Variants in GRM5 observed in about 807,000 individuals in gnomAD.
The protein encoded by GRM5 is glutamate metabotropic receptor 5.
GRM5 carries 19 observed loss-of-function variants against 83.1 expected under a neutral mutation model. That is an observed-to-expected ratio of 0.23 (90% CI 0.16 to 0.34). GRM5 has a LOEUF of 0.34. GRM5 is among the 10% of genes least tolerant of loss of function. The probability of loss-of-function intolerance (pLI) is 1.00; values close to 1 mark genes in which losing one functional copy is unlikely to be tolerated. For synonymous variants in GRM5, 675 were observed against 633.6 expected (o/e 1.07, Z -0.98); for missense variants, 1,160 against 1,588.3 (o/e 0.73, Z 4.58).
At chr11:88,861,735 T>C (rs1428310462) in intron 2 of GRM5, among the ~76,000 whole-genome samples, 1 of 152,058 alleles carries the variant, frequency 6.6e-6, no homozygotes, top group African/African-American at 2.4e-5. Flanking sequence ...AGCCTCAGCC[T>C]CCCAGAGTGA....
intron 3 of GRM5, among the ~76,000 whole-genome samples, chr11:88,807,356 C>T (rs992674059): frequency 6.6e-6 from 1 of 152,078 alleles, no homozygotes; most frequent in African/African-American, 2.4e-5. Flanking sequence ...CAACTCTGTC[C>T]CTAGCCTGTA....
At chr11:88,825,851 T>G (rs1361739319) in intron 3 of GRM5, among the ~76,000 whole-genome samples, 3 of 152,320 alleles carry the variant, frequency 2.0e-5, no homozygotes, top group East Asian at 3.9e-4. Context: ...TTCTTTAATA[T>G]TTCCATTTCT....
chr11:88,826,290 T>C (rs908769798), intron 3 of GRM5, among the ~76,000 whole-genome samples: 2 of 152,108 alleles, frequency 1.3e-5, no homozygotes, highest in Non-Finnish European at 2.9e-5. Context: ...GGTTTCTTCA[T>C]TGTACTTACC....
chr11:88,699,040 A>C (rs1207972148), intron 3 of GRM5, among the ~76,000 whole-genome samples: 1 of 152,148 alleles, frequency 6.6e-6, no homozygotes, highest in Non-Finnish European at 1.5e-5. Context: ...AGATGGAGAA[A>C]ACTGAGACTT....
chr11:88,661,467 T>C (rs1052281973), intron 3 of GRM5, among the ~76,000 whole-genome samples: 3 of 152,130 alleles, frequency 2.0e-5, no homozygotes, highest in Admixed American at 6.6e-5. Context: ...GTATTTTTTT[T>C]TTCAAAATCT....
chr11:88,905,011 T>G (rs1356914437), intron 2 of GRM5, among the ~76,000 whole-genome samples: 3 of 152,216 alleles, frequency 2.0e-5, no homozygotes, highest in Non-Finnish European at 4.4e-5. Context: ...ATGATTATGC[T>G]GCCGAATTGT....
chr11:88,999,070 C>T (rs942538363), intron 2 of GRM5, among the ~76,000 whole-genome samples: 3 of 152,026 alleles, frequency 2.0e-5, no homozygotes, highest in Admixed American at 2.0e-4. Flanking sequence ...TTCCTTACAC[C>T]TTATACAAAA....
chr11:88,518,154 A>C (rs1038709187), intron 9 of GRM5, among the ~76,000 whole-genome samples: 3 of 151,990 alleles, frequency 2.0e-5, no homozygotes, highest in Non-Finnish European at 4.4e-5. Context: ...ATAATATAAA[A>C]AATAGAATAT....
chr11:88,511,729 G>C (rs1941375353), intron 9 of GRM5: 1 of 152,196 alleles, frequency 6.6e-6, no homozygotes, highest in Non-Finnish European at 1.5e-5. Flanking sequence ...TGACTTACGT[G>C]TATTACAATT....
chr11:88,925,885 G>A, intron 2 of GRM5: 1 of 338,306 alleles, frequency 3.0e-6, no homozygotes, highest in Non-Finnish European at 5.9e-6. Flanking sequence ...CGCTAGACTG[G>A]GTGACAGAGC....
At chr11:88,956,968 CA>C (rs1246550774) in intron 2 of GRM5, among the ~76,000 whole-genome samples, 1 of 146,838 alleles carries the variant, frequency 6.8e-6, no homozygotes, top group Non-Finnish European at 1.5e-5. Flanking sequence ...TATGCAAATA[CA>C]TGAAGTATTT....
chr11:88,829,099 C>T (rs542188673), intron 3 of GRM5, among the ~76,000 whole-genome samples: 1 of 151,788 alleles, frequency 6.6e-6, no homozygotes, highest in Non-Finnish European at 1.5e-5. Context: ...AATTAGTATA[C>T]GAAAACTAAA....
At chr11:88,922,506 T>C (rs920082240) in intron 2 of GRM5, among the ~76,000 whole-genome samples, 1 of 152,180 alleles carries the variant, frequency 6.6e-6, no homozygotes, top group African/African-American at 2.4e-5. Context: ...TTAATGGTGT[T>C]TGGAAAACTG....
chr11:88,635,653 T>A lies in GRM5; in HGVS notation c.1147+17515A>T, dbSNP rs534060598. On this transcript the variant is annotated intron_variant, in intron 4 of 9. Transcript: ENST00000305447. The stretch of plus-strand genomic sequence containing the variant: ...TTAGGTTGTCTTTTCACTCTGTTGA[T>A]TGTTTCCTTTGCTGTGCATGAGCTT... 2.6e-5 allele frequency among the ~76,000 whole-genome samples: 4 copies of A among 152,350 alleles called. No individual in the cohort carries two copies. In the East Asian group the frequency reaches 7.7e-4, roughly 29 times the overall value.
At chr11:88,739,236 T>C (rs369876007) in intron 3 of GRM5, among the ~76,000 whole-genome samples, 8 of 152,074 alleles carry the variant, frequency 5.3e-5, no homozygotes, top group African/African-American at 1.9e-4. Context: ...TAATGCGTAA[T>C]TCTTATGCAT....
chr11:88,880,710 G>A (rs769395915), intron 2 of GRM5, among the ~76,000 whole-genome samples: 4 of 152,150 alleles, frequency 2.6e-5, no homozygotes, highest in East Asian at 1.9e-4. Context: ...TTATCCTATC[G>A]GGAAATCTTA....
intron 2 of GRM5, among the ~76,000 whole-genome samples, chr11:88,919,797 G>T (rs1430222060): frequency 2.0e-5 from 3 of 151,974 alleles, no homozygotes; most frequent in African/African-American, 7.2e-5. Context: ...GTTCCTGAAT[G>T]ACCAGTGGGC....
intron 3 of GRM5, among the ~76,000 whole-genome samples, chr11:88,813,685 A>G (rs1943623115): frequency 6.6e-6 from 1 of 152,192 alleles, no homozygotes; most frequent in African/African-American, 2.4e-5. Flanking sequence ...AACCTTTTGT[A>G]CTGATCCATA....
At chr11:88,857,110 A>G (rs1463186877) in intron 2 of GRM5, among the ~76,000 whole-genome samples, 1 of 152,066 alleles carries the variant, frequency 6.6e-6, no homozygotes, top group Non-Finnish European at 1.5e-5. Flanking sequence ...ATAAAAATGA[A>G]ATTTCTTGGT....
Sources: gnomAD v4.1 joint callset for allele counts (sites outside exome capture counted in the v4.1 genomes callset) on GRCh38, gnomAD v4.1.1 for gene constraint, MANE v1.5 for transcripts, NCBI Gene and HGNC (gene_info 2026-07-23, HGNC 2026-07-21) for gene names.